Variants in FBXL17 observed in about 807,000 individuals in gnomAD.
FBXL17 encodes the protein F-box/LRR-repeat protein 17.
A neutral mutation model predicts 66.2 loss-of-function variants in FBXL17; 22 were observed. The ratio of observed to expected loss-of-function variants is 0.33; its 90% CI spans 0.24 to 0.47. FBXL17 has a LOEUF of 0.47. FBXL17 is among the 20% of genes least tolerant of loss of function. The pLI is 1.00. For synonymous variants in FBXL17, 474 were observed against 400.5 expected, an observed-to-expected ratio of 1.18 and a Z score of -2.19; for missense variants, 878 against 948.2, an observed-to-expected ratio of 0.93 and a Z score of 0.97.
At chr5:108,168,570 T>A (rs1752493596) in intron 6 of FBXL17, among the ~76,000 whole-genome samples, 1 of 152,198 alleles carries the variant, frequency 6.6e-6, no homozygotes, top group African/African-American at 2.4e-5. Context: ...AAGATTAATC[T>A]ACCTAGGTGG....
intron 7 of FBXL17, among the ~76,000 whole-genome samples, chr5:107,990,336 A>G (rs1288606002): frequency 6.6e-6 from 1 of 152,178 alleles, no homozygotes; most frequent in Non-Finnish European, 1.5e-5. Context: ...CTTAAGGCAA[A>G]AGGACCATGT....
chr5:108,142,442 C>A (rs937557902), intron 6 of FBXL17, among the ~76,000 whole-genome samples: 15 of 152,124 alleles, frequency 9.9e-5, no homozygotes, highest in Non-Finnish European at 1.5e-5. Flanking sequence ...ATCAGTTGGA[C>A]TTGAATTTCT....
intron 6 of FBXL17, among the ~76,000 whole-genome samples, chr5:108,089,119 T>C (rs2149927767): frequency 6.6e-6 from 1 of 152,308 alleles, no homozygotes; most frequent in South Asian, 2.1e-4. Context: ...CAAAAGGTAT[T>C]CTGAATTTAT....
chr5:107,910,833 C>T (rs1749926546), intron 7 of FBXL17, among the ~76,000 whole-genome samples: 1 of 151,854 alleles, frequency 6.6e-6, no homozygotes, highest in Non-Finnish European at 1.5e-5. Flanking sequence ...TAGGAATAAA[C>T]CTAACAAAAT....
intron 4 of FBXL17, among the ~76,000 whole-genome samples, chr5:108,265,137 T>C (rs952113675): frequency 2.0e-5 from 3 of 152,144 alleles, no homozygotes; most frequent in Non-Finnish European, 4.4e-5. Context: ...CTTGTTTTCA[T>C]AGACACTGAT....
rs376080121 is a variant in FBXL17, at chr5:108,162,534, A to C, written c.1745+23583T>G. On this transcript the variant is annotated intron_variant, in intron 6 of 8. Coordinates refer to ENST00000542267, the MANE Select transcript of FBXL17 (RefSeq NM_001163315.3). Reference sequence around the variant, plus strand: ...CATACAAAAATCTGGTAAATGAATTAATGAAATTATATTCAGTAATTTCCA... The same window carrying C: ...CATACAAAAATCTGGTAAATGAATTCATGAAATTATATTCAGTAATTTCCA... 2.4e-4 allele frequency among the ~76,000 whole-genome samples: 37 copies of C among 152,312 alleles called. No individual in the cohort carries two copies. In the South Asian group the frequency reaches 7.5e-3, roughly 31 times the overall value.
intron 6 of FBXL17, among the ~76,000 whole-genome samples, chr5:108,181,977 C>A (rs989651612): frequency 6.6e-6 from 1 of 152,062 alleles, no homozygotes; most frequent in Non-Finnish European, 1.5e-5. Context: ...AATAGTATGA[C>A]CTTCCCCTGA....
chr5:107,888,027 T>G (rs978607162), intron 7 of FBXL17, among the ~76,000 whole-genome samples: 2 of 152,238 alleles, frequency 1.3e-5, no homozygotes, highest in African/African-American at 4.8e-5. Flanking sequence ...TAAATCTCTT[T>G]ACTTCTAATT....
intron 4 of FBXL17, among the ~76,000 whole-genome samples, chr5:108,234,744 C>T (rs1402154264): frequency 6.6e-6 from 1 of 152,092 alleles, no homozygotes; most frequent in Non-Finnish European, 1.5e-5. Flanking sequence ...AACATGGAAG[C>T]ATAGTAGAGA....
At chr5:108,125,876 T>A (rs1750677521) in intron 6 of FBXL17, among the ~76,000 whole-genome samples, 1 of 152,134 alleles carries the variant, frequency 6.6e-6, no homozygotes, top group African/African-American at 2.4e-5. Context: ...AAATCTATTT[T>A]TAGTCGTATA....
At chr5:107,914,407 A>C (rs947181441) in intron 7 of FBXL17, among the ~76,000 whole-genome samples, 8 of 152,208 alleles carry the variant, frequency 5.3e-5, no homozygotes, top group Non-Finnish European at 7.3e-5. Flanking sequence ...ATTTCAGCTT[A>C]AGCATCTAGT....
At chr5:108,030,655 G>A (rs1437911085) in intron 6 of FBXL17, among the ~76,000 whole-genome samples, 1 of 152,058 alleles carries the variant, frequency 6.6e-6, no homozygotes, top group Non-Finnish European at 1.5e-5. Context: ...AAAAACTTCT[G>A]CTCTACACAA....
intron 4 of FBXL17, among the ~76,000 whole-genome samples, chr5:108,315,511 A>C (rs1313649885): frequency 2.6e-5 from 4 of 151,372 alleles, no homozygotes; most frequent in African/African-American, 9.7e-5. Flanking sequence ...AAATTACCCC[A>C]AGCTTTATAA....
Position 108,198,264 on chromosome 5 carries a change from T to C in FBXL17, c.1615-12017A>G, listed in dbSNP as rs971264860. Among the ~76,000 whole-genome samples the C allele has an allele frequency of 3.3e-5, 5 of 152,254 alleles. 1 individual carries two copies. The stretch of plus-strand genomic sequence containing the variant: ...TCTCCTTCTAATTTTAAGTCGTTTT[T>C]ATGATAAAAAATTCCAAAATGTATA... On this transcript the variant is annotated intron_variant, in intron 5 of 8. Coordinates refer to ENST00000542267, the MANE Select transcript of FBXL17 (RefSeq NM_001163315.3).
At chr5:108,178,217 A>T (rs1425989408) in intron 6 of FBXL17, among the ~76,000 whole-genome samples, 2 of 151,802 alleles carry the variant, frequency 1.3e-5, no homozygotes, top group Non-Finnish European at 2.9e-5. Flanking sequence ...GCTATTTTTT[A>T]AAAATTTTTT....
chr5:108,329,982 A>G (rs1760045076), intron 4 of FBXL17, among the ~76,000 whole-genome samples: 2 of 152,250 alleles, frequency 1.3e-5, no homozygotes. Context: ...AGCATGGCCT[A>G]TGGAAAAGGG....
intron 4 of FBXL17, among the ~76,000 whole-genome samples, chr5:108,293,308 T>C (rs984385949): frequency 4.6e-5 from 7 of 152,168 alleles, no homozygotes; most frequent in Non-Finnish European, 7.4e-5. Context: ...ACACTAATTT[T>C]AGTGGCCTAT....
At chr5:108,059,525 C>A (rs1437101143) in intron 6 of FBXL17, among the ~76,000 whole-genome samples, 3 of 152,186 alleles carry the variant, frequency 2.0e-5, no homozygotes, top group African/African-American at 7.2e-5. Context: ...ACCTGGAATT[C>A]TCTGGAGGTC....
At position 107,861,766 on chromosome 5, in the gene FBXL17, G is replaced by T; in HGVS notation, c.2060C>A (p.Ala687Asp). The T allele has an allele frequency of 6.3e-7, 1 of 1,587,836 alleles. No individual in the cohort carries two copies. Among genetic ancestry groups the T allele is most frequent in the Non-Finnish European group, 8.6e-7 (1 of 1,164,922 alleles). The change falls in exon 9 of 9, where the codon GCC (alanine) becomes GAC (aspartate). Residue 687 changes from alanine to aspartate, a missense_variant. Ala to Asp is a moderately radical substitution (Grantham distance 126). Transcript: ENST00000542267. ...GTTGGGGGTCCAGCCCATCTGATAG[G>T]CTCTCTCCAAGGTCCTCTTGCAGTC... The part of the protein sequence containing the change: ...LQDCKRTLER[A>D]YQMGWTPNMS...
Sources: allele counts gnomAD v4.1 joint callset (sites outside exome capture counted in the v4.1 genomes callset), GRCh38; gene constraint gnomAD v4.1.1; transcripts MANE v1.5; gene names NCBI Gene and HGNC (gene_info 2026-07-23, HGNC 2026-07-21).